CAB39: variants seen among roughly 807,000 people sequenced by gnomAD.
CAB39 encodes the protein calcium-binding protein 39.
CAB39 carries 8 observed loss-of-function variants against 40.0 expected under a neutral mutation model. That is an observed-to-expected ratio of 0.20 (90% CI 0.12 to 0.36). The LOEUF (loss-of-function observed/expected upper bound fraction) is 0.36, where lower values mean the gene tolerates loss of function less well. CAB39 is among the 10% of genes least tolerant of loss of function. The pLI, the probability that CAB39 is intolerant of heterozygous loss-of-function variation, is 1.00. For missense variants in CAB39, 270 were observed against 401.1 expected, an observed-to-expected ratio of 0.67 and a Z score of 2.79; for synonymous variants, 156 against 141.6, an observed-to-expected ratio of 1.10 and a Z score of -0.72.
chr2:230,761,353 T>TA (rs1695287311), intron 2 of CAB39, among the ~76,000 whole-genome samples: 1 of 152,202 alleles, frequency 6.6e-6, no homozygotes, highest in Non-Finnish European at 1.5e-5. Flanking sequence ...GTCATTTTCT[T>TA]ACACTTATTC....
In CAB39 at chr2:230,817,730, G is replaced by A. The variant is rs1696427491; in HGVS notation, c.694-24G>A. On this transcript the variant is annotated intron_variant, in intron 7 of 8. Coordinates refer to ENST00000258418, the MANE Select transcript of CAB39 (RefSeq NM_016289.4). ...TTTTTCTTTAAGTTTTAATAACAAGGTAATTGTTTAAATGTCTTCTCAGCT... is the reference window on the plus strand; with the variant it reads ...TTTTTCTTTAAGTTTTAATAACAAGATAATTGTTTAAATGTCTTCTCAGCT... 7.2e-6 allele frequency: 11 copies of A among 1,529,836 alleles called. No individual in the cohort carries two copies. In the East Asian group the frequency reaches 1.4e-4, roughly 19 times the overall value. 94.8% of individuals were successfully genotyped at this position (1,529,836 alleles called of 1,614,324 possible).
chr2:230,724,415 C>T (rs1307076209), intron 1 of CAB39, among the ~76,000 whole-genome samples: 1 of 152,036 alleles, frequency 6.6e-6, no homozygotes, highest in Non-Finnish European at 1.5e-5. Context: ...GGCACGGTGG[C>T]TCGCCCCTGT....
intron 2 of CAB39, among the ~76,000 whole-genome samples, chr2:230,782,478 T>G (rs188585124): frequency 1.4e-3 from 210 of 152,222 alleles, no homozygotes; most frequent in African/African-American, 4.8e-3. Context: ...TTTTTTTTTC[T>G]TTTTTAAATA....
chr2:230,820,989 C>G lies in CAB39; in HGVS notation c.*2285C>G, dbSNP rs1289663786. ...GTTAACAATGCCATGAAAGCATTTT[C>G]TTTCTCCTAAGGAAAAGTGAATTTC... On this transcript the variant is annotated 3_prime_UTR_variant, in exon 9 of 9. Coordinates refer to ENST00000258418, the MANE Select transcript of CAB39 (RefSeq NM_016289.4). The G allele has an allele frequency of 6.6e-6, 1 of 152,608 alleles. No homozygotes were observed. The highest frequency in any genetic ancestry group is 1.5e-5 in the Non-Finnish European group (1 of 68,024). 9.5% of individuals were successfully genotyped at this position (152,608 alleles called of 1,614,324 possible).
intron 1 of CAB39, among the ~76,000 whole-genome samples, chr2:230,741,029 G>T (rs1481524537): frequency 3.3e-5 from 5 of 152,210 alleles, no homozygotes; most frequent in African/African-American, 1.2e-4. Flanking sequence ...ATGGGATCCA[G>T]TTTGGAGCAC....
intron 5 of CAB39, among the ~76,000 whole-genome samples, chr2:230,809,987 A>G (rs1336325056): frequency 6.6e-6 from 1 of 152,140 alleles, no homozygotes; most frequent in Non-Finnish European, 1.5e-5. Context: ...ACAATTCCTT[A>G]TTCTTTTCCT....
chr2:230,796,375 T>A (rs1695987401), intron 4 of CAB39, among the ~76,000 whole-genome samples: 1 of 152,174 alleles, frequency 6.6e-6, no homozygotes, highest in East Asian at 1.9e-4. Context: ...ATTTACATGT[T>A]AGTATGCTGT....
chr2:230,814,111 G>C lies in CAB39; in HGVS notation c.690G>C (p.Leu230=). The change falls in exon 7 of 9, where the codon CTG becomes CTC. Residue 230 remains leucine (L), a synonymous_variant. Coordinates refer to ENST00000258418, the MANE Select transcript of CAB39 (RefSeq NM_016289.4). ...ATTATGTGACAAAAAGACAGTCACT[G>C]AAGGTATGACAGACCATTTTGTATA... ...SENYVTKRQS[L]KLLGELLLDR... is the part of the protein sequence containing the mutation. The C allele has an allele frequency of 6.9e-7, 1 of 1,449,738 alleles. No homozygotes were observed. Among genetic ancestry groups the C allele is most frequent in the Non-Finnish European group, 9.5e-7 (1 of 1,053,386 alleles). The allele number at this position is 1,449,738 out of a possible 1,614,324, so 89.8% of individuals were successfully genotyped here. A position where few individuals can be genotyped will look rare whatever the true frequency, so the allele number is the denominator to read the frequency against.
chr2:230,785,574 A>C (rs79751133), intron 2 of CAB39, among the ~76,000 whole-genome samples: 9,138 of 152,186 alleles, frequency 0.06, 935 homozygotes, highest in African/African-American at 0.21. Flanking sequence ...ATCCAAAAGC[A>C]GATGAGGATT....
intron 2 of CAB39, among the ~76,000 whole-genome samples, chr2:230,772,922 G>C (rs183444961): frequency 4.7e-5 from 7 of 149,684 alleles, no homozygotes; most frequent in African/African-American, 1.5e-4. Context: ...TTTGTAAATG[G>C]CCCAGACGTG....
At chr2:230,714,880 C>A (rs1336152936) in intron 1 of CAB39, among the ~76,000 whole-genome samples, 1 of 152,216 alleles carries the variant, frequency 6.6e-6, no homozygotes, top group Non-Finnish European at 1.5e-5. Context: ...GTTTTGTAAG[C>A]TTGCACTTGT....
At chr2:230,813,750 CAGAG>C (rs781366593) in intron 6 of CAB39, among the ~76,000 whole-genome samples, 2 of 151,866 alleles carry the variant, frequency 1.3e-5, no homozygotes, top group Non-Finnish European at 2.9e-5. Context: ...CTTGGGGTGA[CAGAG>C]AGGCCTGGAT....
intron 1 of CAB39, among the ~76,000 whole-genome samples, chr2:230,720,271 G>C (rs1694424556): frequency 6.6e-6 from 1 of 152,180 alleles, no homozygotes; most frequent in Non-Finnish European, 1.5e-5. Flanking sequence ...CTTTGGCTGT[G>C]GTTGGTATTA....
intron 1 of CAB39, among the ~76,000 whole-genome samples, chr2:230,733,571 G>T (rs561190919): frequency 6.6e-6 from 1 of 152,156 alleles, no homozygotes; most frequent in Non-Finnish European, 1.5e-5. Context: ...TTTTTGCCCA[G>T]ATTCTCTCTT....
At chr2:230,746,782 A>AT (rs1188411861) in intron 1 of CAB39, among the ~76,000 whole-genome samples, 4 of 151,670 alleles carry the variant, frequency 2.6e-5, no homozygotes, top group African/African-American at 9.7e-5. Context: ...TTTCTGTAGG[A>AT]TTTTTTTTGT....
In CAB39 at chr2:230,819,930, G is replaced by A. The variant is rs1305887479; in HGVS notation, c.*1226G>A. On this transcript the variant is annotated 3_prime_UTR_variant, in exon 9 of 9. Transcript: ENST00000258418. Reference sequence around the variant, plus strand: ...TAACCCAGTACAATAGTTGTGAACTGAATAATTAAAACTTTGGCTTCTCTT... The same window carrying A: ...TAACCCAGTACAATAGTTGTGAACTAAATAATTAAAACTTTGGCTTCTCTT... 1.3e-5 allele frequency: 2 copies of A among 152,574 alleles called. No individual in the cohort carries two copies. The highest frequency in any genetic ancestry group is 2.9e-5 in the Non-Finnish European group (2 of 68,024). The allele number at this position is 152,574 out of a possible 1,614,324, so 9.5% of individuals were successfully genotyped here. A position where few individuals can be genotyped will look rare whatever the true frequency, so the allele number is the denominator to read the frequency against.
At chr2:230,725,248 T>G in intron 1 of CAB39, 1 of 1,588,188 alleles carries the variant, frequency 6.3e-7, no homozygotes, top group Non-Finnish European at 8.6e-7. Flanking sequence ...CATCTTTCTT[T>G]AGCACCAGAA....
intron 1 of CAB39, among the ~76,000 whole-genome samples, chr2:230,738,742 A>G (rs913251175): frequency 6.6e-5 from 10 of 152,202 alleles, no homozygotes; most frequent in African/African-American, 2.2e-4. Flanking sequence ...GTTTTGTGGC[A>G]TGTTTGTGCT....
chr2:230,720,582 C>T (rs536840889), intron 1 of CAB39, among the ~76,000 whole-genome samples: 28 of 152,208 alleles, frequency 1.8e-4, no homozygotes, highest in South Asian at 1.0e-3. Flanking sequence ...ATTACAGGTG[C>T]GCGCCACCAT....
Sources: allele counts gnomAD v4.1 joint callset (sites outside exome capture counted in the v4.1 genomes callset), GRCh38; gene constraint gnomAD v4.1.1; transcripts MANE v1.5; gene names NCBI Gene and HGNC (gene_info 2026-07-23, HGNC 2026-07-21).